TAB2: variants seen among roughly 807,000 people sequenced by gnomAD.
The protein encoded by TAB2 is TGF-beta-activated kinase 1 and MAP3K7-binding protein 2.
Under a neutral mutation model 65.0 loss-of-function variants are expected in TAB2, and 3 were observed. That is an observed-to-expected ratio of 0.05 (90% CI 0.02 to 0.12). The LOEUF is 0.12. TAB2 is among the 10% of genes least tolerant of loss of function. The pLI, the probability that TAB2 is intolerant of heterozygous loss-of-function variation, is 1.00. For synonymous variants in TAB2, 298 were observed against 285.1 expected (o/e 1.05, Z -0.46); for missense variants, 623 against 840.3 (o/e 0.74, Z 3.20).
rs1337897285 is a variant in TAB2 at position 149,338,006 on chromosome 6, TTCC to T, written c.-90+19993_-90+19995del. ...TAAGTATAGGGTGCCTAAATTAGGA[TTCC>T]TAGAATAATATTATACAGGTCCACA... is the stretch of plus-strand genomic sequence containing the variant. On this transcript the variant is annotated intron_variant, in intron 1 of 6. Transcript: ENST00000637181. Among the ~76,000 whole-genome samples the T allele has an allele frequency of 1.2e-4, 18 of 152,276 alleles. No homozygotes were observed. The East Asian group carries it at 3.5e-3, about 29-fold the overall frequency.
chr6:149,357,920 C>T (rs1326615290), intron 1 of TAB2, among the ~76,000 whole-genome samples: 3 of 152,052 alleles, frequency 2.0e-5, no homozygotes, highest in Admixed American at 1.3e-4. Flanking sequence ...AGGCTGGTTT[C>T]GAACTCCTGA....
At chr6:149,379,645 T>C in intron 3 of TAB2, 127 bp downstream of exon 3, 2 of 843,958 alleles carry the variant, frequency 2.4e-6, no homozygotes, top group Admixed American at 1.9e-5. Flanking sequence ...AATGATGTTA[T>C]TGTAACATTT....
In TAB2 at chr6:149,378,053, C is replaced by T. The variant is rs770919530; in HGVS notation, c.138C>T (p.Leu46=). The change falls in exon 3 of 7, where the codon CTC becomes CTT. Residue 46 remains leucine, a synonymous_variant. Transcript: ENST00000637181. ...NNNLDACCAV[L]SQESTRYLYG... ...ACCTGGATGCCTGCTGTGCTGTTCT[C>T]TCTCAGGAGAGTACAAGATATCTTT... The T allele has an allele frequency of 8.1e-6, 13 of 1,614,122 alleles. No homozygotes were observed. The highest frequency in any genetic ancestry group is 1.7e-5 in the Admixed American group (1 of 60,030).
At chr6:149,392,180 G>T (rs187397537) in intron 3 of TAB2, among the ~76,000 whole-genome samples, 67 of 151,136 alleles carry the variant, frequency 4.4e-4, no homozygotes, top group African/African-American at 1.5e-3. Flanking sequence ...TCACTTTGTC[G>T]CCCAGACTGG....
At chr6:149,405,748 G>C (rs1464726351) in intron 6 of TAB2, among the ~76,000 whole-genome samples, 1 of 152,136 alleles carries the variant, frequency 6.6e-6, no homozygotes, top group African/African-American at 2.4e-5. Flanking sequence ...TGGGAGAAGA[G>C]GGTATGGGAA....
intron 1 of TAB2, among the ~76,000 whole-genome samples, chr6:149,254,018 GAAA>G (rs1777935985): frequency 2.9e-5 from 4 of 137,268 alleles, no homozygotes; most frequent in African/African-American, 1.1e-4. Context: ...AAGAAAGAAA[GAAA>G]GAAAAGAAAG....
At chr6:149,312,349 T>C (rs1779180018) in intron 1 of TAB2, among the ~76,000 whole-genome samples, 1 of 152,124 alleles carries the variant, frequency 6.6e-6, no homozygotes, top group African/African-American at 2.4e-5. Context: ...TCCATGTGCT[T>C]TTTTTTAATT....
At chr6:149,282,870 C>A (rs2114687028) in intron 1 of TAB2, among the ~76,000 whole-genome samples, 1 of 152,266 alleles carries the variant, frequency 6.6e-6, no homozygotes, top group East Asian at 1.9e-4. Flanking sequence ...AGACAAAAAC[C>A]AAAATCTTCC....
intron 1 of TAB2, among the ~76,000 whole-genome samples, chr6:149,335,926 A>G (rs1249671897): frequency 1.3e-5 from 2 of 152,028 alleles, no homozygotes; most frequent in Admixed American, 6.6e-5. Context: ...ATACCTCCAA[A>G]TCTATTTCTT....
Position 149,399,256 on chromosome 6 carries a change from G to A in TAB2, c.1939+72G>A, listed in dbSNP as rs987654443. The A allele has an allele frequency of 3.6e-6, 4 of 1,124,468 alleles. No homozygotes were observed. In the African/African-American group the frequency reaches 4.6e-5, roughly 13 times the overall value. The allele number at this position is 1,124,468 out of a possible 1,614,324, so 69.7% of individuals were successfully genotyped here. A position where few individuals can be genotyped will look rare whatever the true frequency, so the allele number is the denominator to read the frequency against. The stretch of plus-strand genomic sequence containing the variant: ...AATTTTAGAAAATTTTTCCTGTTCA[G>A]CAACCTTCCTCTCTAGAATTGCTTC... On this transcript the variant is annotated intron_variant, in intron 6 of 6. Transcript: ENST00000637181.
intron 1 of TAB2, among the ~76,000 whole-genome samples, chr6:149,228,963 A>G (rs1171246338): frequency 6.6e-6 from 1 of 152,262 alleles, no homozygotes; most frequent in African/African-American, 2.4e-5. Context: ...GAGAGAGGGC[A>G]CAGTGACCCC....
chr6:149,246,981 G>A (rs1298162870), intron 1 of TAB2: 1 of 152,650 alleles, frequency 6.6e-6, no homozygotes, highest in East Asian at 1.9e-4. Context: ...TCAGCAGTCA[G>A]GGCCCACTCT....
chr6:149,317,474 G>C (rs923935839), upstream of TAB2: 1 of 166,598 alleles, frequency 6.0e-6, no homozygotes, highest in Non-Finnish European at 1.3e-5. The surrounding 1 kb of genome is among the most constrained non-coding windows in gnomAD (Gnocchi z 4.7). Flanking sequence ...GGGAGGCCTC[G>C]TCACAGCCGC....
intron 1 of TAB2, among the ~76,000 whole-genome samples, chr6:149,256,128 A>G (rs1482907497): frequency 6.6e-6 from 1 of 152,258 alleles, no homozygotes; most frequent in Non-Finnish European, 1.5e-5. Context: ...ATTAAAAAGA[A>G]GGAAAGTTAA....
intron 1 of TAB2, among the ~76,000 whole-genome samples, chr6:149,349,292 C>T (rs149255012): frequency 1.9e-4 from 29 of 151,360 alleles, no homozygotes; most frequent in South Asian, 1.0e-3. Flanking sequence ...CGGTGGCACG[C>T]GCCTGTAATC....
At chr6:149,382,294 C>T (rs1344250854) in intron 3 of TAB2, among the ~76,000 whole-genome samples, 1 of 152,184 alleles carries the variant, frequency 6.6e-6, no homozygotes. Context: ...GGACAAGTGG[C>T]AGAGTCAAAA....
chr6:149,223,478 G>A (rs1253364175), intron 1 of TAB2, among the ~76,000 whole-genome samples: 1 of 152,154 alleles, frequency 6.6e-6, no homozygotes, highest in East Asian at 1.9e-4. Context: ...CCATTGTCTT[G>A]CTATTTTGTA....
intron 1 of TAB2, among the ~76,000 whole-genome samples, chr6:149,326,711 C>T (rs1779632287): frequency 6.6e-6 from 1 of 152,014 alleles, no homozygotes; most frequent in Non-Finnish European, 1.5e-5. Flanking sequence ...CCCTGCCTGG[C>T]TAATTTTTGT....
chr6:149,258,416 T>TACAC (rs56710457), intron 1 of TAB2, among the ~76,000 whole-genome samples: 18,680 of 146,112 alleles, frequency 0.13, 1,197 homozygotes, highest in East Asian at 0.23. Flanking sequence ...CATGACTGCC[T>TACAC]ACACACACAC....
Sources: allele counts gnomAD v4.1 joint callset (sites outside exome capture counted in the v4.1 genomes callset), GRCh38; gene constraint gnomAD v4.1.1; non-coding constraint Gnocchi (gnomAD v3.1); transcripts MANE v1.5; gene names NCBI Gene and HGNC (gene_info 2026-07-23, HGNC 2026-07-21).